TRIO: variants seen among roughly 807,000 people sequenced by gnomAD.
TRIO encodes the protein trio Rho guanine nucleotide exchange factor, also known as triple functional domain protein.
A neutral mutation model predicts 351.9 loss-of-function variants in TRIO; 58 were observed. That is an observed-to-expected ratio of 0.16 (90% CI 0.13 to 0.21). TRIO has a LOEUF of 0.21. Ranked by LOEUF, TRIO falls within the 10% of genes least tolerant of loss-of-function variation. The pLI, the probability that TRIO is intolerant of heterozygous loss-of-function variation, is 1.00. For synonymous variants in TRIO, 1,758 were observed against 1,595.7 expected, an observed-to-expected ratio of 1.10 and a Z score of -2.42; for missense variants, 3,201 against 4,027.8, an observed-to-expected ratio of 0.79 and a Z score of 5.56.
rs751984960 is a variant in TRIO at position 14,316,639 on chromosome 5, G to A, written c.1627G>A (p.Glu543Lys). 2 of 1,614,176 alleles carry A rather than the reference G, an allele frequency of 1.2e-6. No homozygotes were observed. The highest frequency in any genetic ancestry group is 2.2e-5 in the East Asian group (1 of 44,882). The change falls in exon 9 of 57, where the codon GAG (glutamate) becomes AAG (lysine). Residue 543 changes from glutamate to lysine, a missense_variant. Coordinates refer to ENST00000344204, the MANE Select transcript of TRIO (RefSeq NM_007118.4). ...GCACCATGTCCTGGATGTCATCCAC[G>A]AGGTGCTGCACCACCAGCGGCAGCT... ...AVHHVLDVIH[E>K]VLHHQRQLEN...
At chr5:14,269,863 A>G (rs1285560161) in intron 1 of TRIO, among the ~76,000 whole-genome samples, 1 of 152,192 alleles carries the variant, frequency 6.6e-6, no homozygotes, top group Non-Finnish European at 1.5e-5. Context: ...ACAAACACAA[A>G]TGGGGGTGGG....
intron 48 of TRIO, chr5:14,489,273 TTTGTTAAAC>T: frequency 2.2e-6 from 1 of 454,828 alleles, no homozygotes; most frequent in South Asian, 3.3e-5. Context: ...TGTTATGTAT[TTTGTTAAAC>T]TTTAATTGGG....
chr5:14,494,442 A>G (rs1756725786), intron 49 of TRIO, among the ~76,000 whole-genome samples: 3 of 152,204 alleles, frequency 2.0e-5, no homozygotes, highest in Admixed American at 2.0e-4. Flanking sequence ...GAAAACAAAA[A>G]TTCTTTCAAA....
At chr5:14,299,017 G>T (rs1737628511) in intron 7 of TRIO, among the ~76,000 whole-genome samples, 1 of 152,176 alleles carries the variant, frequency 6.6e-6, no homozygotes, top group Non-Finnish European at 1.5e-5. Flanking sequence ...TGAATGTCAG[G>T]CTGAAGCATA....
intron 11 of TRIO, among the ~76,000 whole-genome samples, chr5:14,356,620 G>A (rs907868655): frequency 3.3e-5 from 5 of 152,162 alleles, no homozygotes; most frequent in Admixed American, 6.5e-5. Flanking sequence ...CTACACCTAG[G>A]TATTTATCTA....
At chr5:14,368,992 G>A (rs1003612157) in intron 17 of TRIO, 93 bp downstream of exon 17, 180 of 1,431,902 alleles carry the variant, frequency 1.3e-4, no homozygotes, top group Non-Finnish European at 1.6e-4. Context: ...CATGTTCATC[G>A]TTATTGAAAC....
chr5:14,203,952 G>C (rs574937339), intron 1 of TRIO, among the ~76,000 whole-genome samples: 19 of 152,250 alleles, frequency 1.2e-4, no homozygotes, highest in Middle Eastern at 6.8e-3. Context: ...TTATCGTTAC[G>C]TTGCACCTCA....
At chr5:14,366,368 A>G (rs1265204460) in intron 15 of TRIO, among the ~76,000 whole-genome samples, 2 of 152,118 alleles carry the variant, frequency 1.3e-5, no homozygotes, top group Non-Finnish European at 1.5e-5. Context: ...TCATTGTAGC[A>G]CAATGTTATT....
chr5:14,471,515 T>C (rs1332048700), intron 38 of TRIO, 49 bp downstream of exon 38: 6 of 1,601,534 alleles, frequency 3.7e-6, no homozygotes, highest in Non-Finnish European at 4.3e-6. Flanking sequence ...TTCCGTCCTG[T>C]CTTTGTTGCC....
intron 9 of TRIO, among the ~76,000 whole-genome samples, chr5:14,325,512 A>G (rs1056514223): frequency 2.0e-5 from 3 of 151,890 alleles, no homozygotes; most frequent in African/African-American, 7.3e-5. Flanking sequence ...TAAGAGTTAG[A>G]CTCACTCCCT....
intron 1 of TRIO, among the ~76,000 whole-genome samples, chr5:14,269,962 C>T (rs1270456592): frequency 6.6e-6 from 1 of 152,198 alleles, no homozygotes; most frequent in African/African-American, 2.4e-5. Flanking sequence ...TAGATGACCT[C>T]TGTTAGAGAT....
At chr5:14,484,943 C>G in intron 46 of TRIO, 126 bp from the exon 47 acceptor site, 1 of 979,826 alleles carries the variant, frequency 1.0e-6, no homozygotes, top group Non-Finnish European at 1.4e-6. Flanking sequence ...AATTTCTTTC[C>G]TCATTAAGGC....
At position 14,347,843 on chromosome 5, in the gene TRIO, G is replaced by A. The variant is rs1334634429; in HGVS notation, c.2047-10335G>A. Among the ~76,000 whole-genome samples the A allele has an allele frequency of 5.3e-5, 8 of 152,346 alleles. No individual in the cohort carries two copies. In the South Asian group the frequency reaches 1.5e-3, roughly 28 times the overall value. On this transcript the variant is annotated intron_variant, in intron 11 of 56. Coordinates refer to ENST00000344204, the MANE Select transcript of TRIO (RefSeq NM_007118.4). ...ATCTAGACAAGGGCCTGTCAGATAC[G>A]TCAGGTGCTAGAATTCAGATCCCAA...
chr5:14,317,474 C>T (rs1016067185), intron 9 of TRIO, among the ~76,000 whole-genome samples: 1 of 152,146 alleles, frequency 6.6e-6, no homozygotes, highest in Non-Finnish European at 1.5e-5. Context: ...CCCATGGCCT[C>T]AGGAAGTTGG....
intron 1 of TRIO, among the ~76,000 whole-genome samples, chr5:14,229,264 A>G (rs899206835): frequency 2.0e-5 from 3 of 152,320 alleles, no homozygotes; most frequent in East Asian, 1.9e-4. Flanking sequence ...TTTAGTCTCT[A>G]TCTCAGCTAC....
chr5:14,397,398 C>T (rs547163441), intron 29 of TRIO: 68 of 402,002 alleles, frequency 1.7e-4, no homozygotes, highest in African/African-American at 1.3e-3. Flanking sequence ...ACTCCAATAG[C>T]ACTTTGTGTC....
At chr5:14,417,926 A>G (rs1176860070) in intron 33 of TRIO, among the ~76,000 whole-genome samples, 1 of 152,212 alleles carries the variant, frequency 6.6e-6, no homozygotes, top group East Asian at 1.9e-4. Flanking sequence ...TGTAAGTCAC[A>G]TGCCTACCAC....
At chr5:14,204,432 T>C (rs368018391) in intron 1 of TRIO, among the ~76,000 whole-genome samples, 7 of 152,122 alleles carry the variant, frequency 4.6e-5, no homozygotes, top group Non-Finnish European at 1.0e-4. Context: ...GGTCTGTCTT[T>C]ATGATCGTGG....
chr5:14,322,345 C>A (rs1561338953), intron 9 of TRIO, among the ~76,000 whole-genome samples: 2 of 152,112 alleles, frequency 1.3e-5, no homozygotes, highest in Admixed American at 6.5e-5. Context: ...TGTTGGGGAA[C>A]TAGGGGTGTC....
Sources: allele counts gnomAD v4.1 joint callset (sites outside exome capture counted in the v4.1 genomes callset), GRCh38; gene constraint gnomAD v4.1.1; transcripts MANE v1.5; gene names NCBI Gene and HGNC (gene_info 2026-07-23, HGNC 2026-07-21).